COL18A1: variants seen among roughly 807,000 people sequenced by gnomAD.
COL18A1 encodes collagen type XVIII alpha 1 chain.
A neutral mutation model predicts 168.0 loss-of-function variants in COL18A1; 133 were observed. That is an observed-to-expected ratio of 0.79 (90% CI 0.69 to 0.91). COL18A1 has a LOEUF of 0.91. Ranked by LOEUF, COL18A1 falls within the 40% of genes least tolerant of loss-of-function variation. The pLI, the probability that COL18A1 is intolerant of heterozygous loss-of-function variation, is 0.00. For synonymous variants in COL18A1, 949 were observed against 809.0 expected, an observed-to-expected ratio of 1.17 and a Z score of -2.94; for missense variants, 2,126 against 1,925.4, an observed-to-expected ratio of 1.10 and a Z score of -1.95.
intron 2 of COL18A1, among the ~76,000 whole-genome samples, chr21:45,409,040 G>GGGGC (rs2033208133): frequency 1.4e-5 from 2 of 147,360 alleles, no homozygotes; most frequent in African/African-American, 5.1e-5. Context: ...AAAGCTGGCT[G>GGGGC]TGGCTGTGTC....
At chr21:45,469,891 C>T (rs2035351022) in intron 3 of COL18A1, among the ~76,000 whole-genome samples, 1 of 152,228 alleles carries the variant, frequency 6.6e-6, no homozygotes, top group Non-Finnish European at 1.5e-5. Context: ...AGGACGTTGA[C>T]ACCAAACTGG....
chr21:45,472,062 G>C (rs190231005), intron 3 of COL18A1, among the ~76,000 whole-genome samples: 1 of 152,236 alleles, frequency 6.6e-6, no homozygotes, highest in East Asian at 1.9e-4. Flanking sequence ...TCAGGAGAGC[G>C]CTGTGGCCAC....
intron 20 of COL18A1, 59 bp from the exon 21 acceptor site, chr21:45,490,776 CG>C: frequency 6.6e-7 from 1 of 1,518,634 alleles, no homozygotes; most frequent in Non-Finnish European, 8.9e-7. Flanking sequence ...CCATCCCTCA[CG>C]GGGGGCCAGG....
chr21:45,482,095 C>A (rs574729151), intron 14 of COL18A1, 70 bp downstream of exon 14: 1 of 1,220,320 alleles, frequency 8.2e-7, no homozygotes, highest in South Asian at 1.2e-5. Flanking sequence ...TCCGGGGGTG[C>A]CTGGTGACGC....
chr21:45,412,240 T>G (rs2123508132), intron 2 of COL18A1, among the ~76,000 whole-genome samples: 1 of 150,580 alleles, frequency 6.6e-6, no homozygotes, highest in Non-Finnish European at 1.5e-5. Flanking sequence ...TATATTTCTT[T>G]TTTTTTTTTT....
chr21:45,455,458 C>T (rs2034760909), intron 2 of COL18A1: 8 of 1,592,122 alleles, frequency 5.0e-6, no homozygotes, highest in East Asian at 2.2e-5. Flanking sequence ...GGCAGGAGGG[C>T]GTGAGCCTGG....
rs532927361 is a variant in COL18A1 at position 45,504,726 on chromosome 21, G to A, written c.2868+170G>A. Among the ~76,000 whole-genome samples, 132 of 152,114 alleles carry A rather than the reference G, an allele frequency of 8.7e-4. 1 individual carries two copies. Among genetic ancestry groups the A allele is most frequent in the African/African-American group, 3.1e-3 (128 of 41,492 alleles). On this transcript the variant is annotated intron_variant, in intron 34 of 41. Coordinates refer to ENST00000651438, the MANE Select transcript of COL18A1 (RefSeq NM_001379500.1). ...TGTGGGGACGCAGCAGGCCACATGG[G>A]TGTGGGTGCACTGACCCCGGACACC...
At position 45,410,267 on chromosome 21, in the gene COL18A1, T is replaced by TGG. The variant is rs5844233; in HGVS notation, c.106+4796_106+4797dup. 6.2e-3 allele frequency among the ~76,000 whole-genome samples: 939 copies of TGG among 152,368 alleles called. 4 individuals carry two copies. Among genetic ancestry groups the TGG allele is most frequent in the Middle Eastern group, 0.048 (14 of 294 alleles). On this transcript the variant is annotated intron_variant, in intron 2 of 41. Transcript: ENST00000651438. Reference sequence around the variant, plus strand: ...TCGCCACCTCGGGGCTGATCCCCTGTGGGCCCCTCGTTCCCACAGGAGCCT... The same window carrying TGG: ...TCGCCACCTCGGGGCTGATCCCCTGTGGGGGCCCCTCGTTCCCACAGGAGCCT...
In COL18A1 at chr21:45,494,454, T is replaced by C. The variant is rs578229853; in HGVS notation, c.2353-91T>C. ...ATCAGGTGGGGCACAAGCCGCCACC[T>C]AACCGTGCCTTCGCCACAGGGGCCC... On this transcript the variant is annotated intron_variant, in intron 26 of 41. Coordinates refer to ENST00000651438, the MANE Select transcript of COL18A1 (RefSeq NM_001379500.1). 6 of 1,590,960 alleles carry C rather than the reference T, an allele frequency of 3.8e-6. No homozygotes were observed. The Admixed American group carries it at 1.0e-4, about 27-fold the overall frequency.
chr21:45,437,225 GAC>G (rs139437733), intron 2 of COL18A1, among the ~76,000 whole-genome samples: 15,565 of 59,082 alleles, frequency 0.26, 2,287 homozygotes, highest in Middle Eastern at 0.29. Flanking sequence ...CACACACACA[GAC>G]ACACAGGCAC....
Position 45,487,508 on chromosome 21 carries a change from AG to A in COL18A1, c.1896+1del, listed in dbSNP as rs1568917794. 3 of 1,612,902 alleles carry A rather than the reference AG, an allele frequency of 1.9e-6. No homozygotes were observed. The highest frequency in any genetic ancestry group is 2.5e-6 in the Non-Finnish European group (3 of 1,179,988). The stretch of plus-strand genomic sequence containing the variant: ...ACAGCCCGAAGCGCTGATGGGCCAC[AG>A]GTAGTGTTGTGAGCTGGGCGTGGCC... ...WSTARSADGP[Q>X]GPPGLPGLKG... On this transcript the variant is annotated frameshift_variant and splice_region_variant, in exon 17 of 42. Coordinates refer to ENST00000651438, the MANE Select transcript of COL18A1 (RefSeq NM_001379500.1). LOFTEE classifies it high-confidence loss of function.
intron 32 of COL18A1, among the ~76,000 whole-genome samples, chr21:45,500,399 TGTGGGTG>T (rs1386522434): frequency 1.0e-5 from 1 of 99,938 alleles, no homozygotes. Context: ...AGTGTGTGTA[TGTGGGTG>T]TTGGGTGTGT....
Position 45,456,655 on chromosome 21 carries a change from C to A in COL18A1, c.107-11587C>A, listed in dbSNP as rs1036486791. The A allele has an allele frequency of 2.0e-6, 3 of 1,534,716 alleles. No individual in the cohort carries two copies. In the Admixed American group the frequency reaches 5.9e-5, roughly 30 times the overall value. ...GGGCCGGGGCACGGGCGTGGGGGGGCCTGCTGCAGACGCACTGCCACCCCT... is the reference window on the plus strand; with the variant it reads ...GGGCCGGGGCACGGGCGTGGGGGGGACTGCTGCAGACGCACTGCCACCCCT... On this transcript the variant is annotated intron_variant, in intron 2 of 41. Transcript: ENST00000651438.
intron 32 of COL18A1, 186 bp downstream of exon 32, chr21:45,497,847 C>T (rs987813480): frequency 1.2e-5 from 9 of 754,848 alleles, no homozygotes; most frequent in East Asian, 5.4e-5. Flanking sequence ...GATTTGGGGG[C>T]GAGGGTGGCT....
At position 45,480,628 on chromosome 21, in the gene COL18A1, C is replaced by T. The variant is rs533707608; in HGVS notation, c.1453-72C>T. ...TCCTGTGGGGGGTGGGGATGAGGCC[C>T]GTTCTGGGGGTGGTGGTCATCCCTG... On this transcript the variant is annotated intron_variant, in intron 12 of 41. Coordinates refer to ENST00000651438, the MANE Select transcript of COL18A1 (RefSeq NM_001379500.1). 225 of 1,612,290 alleles carry T rather than the reference C, an allele frequency of 1.4e-4. 2 individuals carry two copies. In the African/African-American group the frequency reaches 2.4e-3, roughly 17 times the overall value.
At chr21:45,406,775 G>A (rs1380837826) in intron 2 of COL18A1, among the ~76,000 whole-genome samples, 1 of 152,262 alleles carries the variant, frequency 6.6e-6, no homozygotes, top group Non-Finnish European at 1.5e-5. Flanking sequence ...ACGTTATCAA[G>A]GAGGAGATGT....
chr21:45,437,704 A>ACTCAGACACACAGGCACT, intron 2 of COL18A1, among the ~76,000 whole-genome samples: 1 of 58,762 alleles, frequency 1.7e-5, no homozygotes, highest in Non-Finnish European at 3.0e-5. Flanking sequence ...ACACACACAC[A>ACTCAGACACACAGGCACT]CTCAGACACA....
At chr21:45,465,135 C>T (rs1344945515) in intron 2 of COL18A1, among the ~76,000 whole-genome samples, 2 of 152,224 alleles carry the variant, frequency 1.3e-5, no homozygotes, top group African/African-American at 2.4e-5. Context: ...CTGAAGCACT[C>T]GCAGGTATTT....
At chr21:45,484,453 G>A (rs865946736) in intron 15 of COL18A1, among the ~76,000 whole-genome samples, 4 of 139,122 alleles carry the variant, frequency 2.9e-5, no homozygotes, top group African/African-American at 8.1e-5. Context: ...TCTCCAGCAT[G>A]TGTGCACACA....
Sources: gnomAD v4.1 joint callset for allele counts (sites outside exome capture counted in the v4.1 genomes callset) on GRCh38, gnomAD v4.1.1 for gene constraint, MANE v1.5 for transcripts, NCBI Gene and HGNC (gene_info 2026-07-23, HGNC 2026-07-21) for gene names.